The following MYO3A variants were observed in gnomAD, a reference collection of about 807,000 sequenced individuals.
MYO3A encodes the protein myosin IIIA, also known as myosin-IIIa.
MYO3A carries 180 observed loss-of-function variants against 192.7 expected under a neutral mutation model. The ratio of observed to expected loss-of-function variants is 0.93; its 90% CI spans 0.83 to 1.06. MYO3A has a LOEUF of 1.06. MYO3A is among the 50% of genes least tolerant of loss of function. The probability of loss-of-function intolerance (pLI) is 0.00; values close to 1 mark genes in which losing one functional copy is unlikely to be tolerated. For missense variants in MYO3A, 1,896 were observed against 1,905.0 expected (o/e 1.00, Z 0.09); for synonymous variants, 628 against 645.3 (o/e 0.97, Z 0.41).
chr10:26,136,026 C>G (rs1839828918), intron 20 of MYO3A, among the ~76,000 whole-genome samples: 1 of 151,456 alleles, frequency 6.6e-6, no homozygotes, highest in Non-Finnish European at 1.5e-5. Context: ...TTCTACCTTC[C>G]CCGGCCCCAT....
chr10:26,075,780 GAT>G (rs1215608015), intron 14 of MYO3A, among the ~76,000 whole-genome samples: 1 of 134,940 alleles, frequency 7.4e-6, no homozygotes, highest in Non-Finnish European at 1.6e-5. Context: ...ATATATATAT[GAT>G]ATATATGTCT....
At chr10:25,959,100 T>C (rs566121268) in intron 4 of MYO3A, among the ~76,000 whole-genome samples, 1 of 152,150 alleles carries the variant, frequency 6.6e-6, no homozygotes, top group Non-Finnish European at 1.5e-5. Context: ...TATAGAATCA[T>C]GTCGTCTGCA....
At chr10:26,085,999 A>G (rs1364312913) in intron 14 of MYO3A, among the ~76,000 whole-genome samples, 1 of 151,856 alleles carries the variant, frequency 6.6e-6, no homozygotes, top group Non-Finnish European at 1.5e-5. Flanking sequence ...TCCTTTAGTT[A>G]TTTTGGTTTA....
intron 4 of MYO3A, among the ~76,000 whole-genome samples, chr10:25,978,676 A>G (rs1464270371): frequency 6.6e-6 from 1 of 152,202 alleles, no homozygotes; most frequent in Non-Finnish European, 1.5e-5. Flanking sequence ...GAATATAAGA[A>G]TATTACAGAA....
intron 10 of MYO3A, among the ~76,000 whole-genome samples, chr10:26,043,905 C>T (rs1843496234): frequency 2.0e-5 from 3 of 152,204 alleles, no homozygotes; most frequent in Admixed American, 6.5e-5. Context: ...ATAGCCATCA[C>T]AGCTGGTAAT....
At chr10:26,162,034 G>A (rs1841509096) in intron 26 of MYO3A, among the ~76,000 whole-genome samples, 1 of 152,190 alleles carries the variant, frequency 6.6e-6, no homozygotes, top group African/African-American at 2.4e-5. Flanking sequence ...GAAACTCACA[G>A]ACCTGTTATG....
At chr10:26,199,228 A>T (rs937905908) in intron 32 of MYO3A, among the ~76,000 whole-genome samples, 2 of 152,206 alleles carry the variant, frequency 1.3e-5, no homozygotes, top group African/African-American at 4.8e-5. Context: ...TTTTTGGAAA[A>T]ATATATTACT....
chr10:26,202,447 G>A (rs1843719840), intron 33 of MYO3A, among the ~76,000 whole-genome samples: 1 of 152,170 alleles, frequency 6.6e-6, no homozygotes, highest in Non-Finnish European at 1.5e-5. Context: ...TGTCATGTGT[G>A]GGTGTTAAAA....
At chr10:26,113,955 C>G (rs1458093703) in intron 17 of MYO3A, among the ~76,000 whole-genome samples, 1 of 152,166 alleles carries the variant, frequency 6.6e-6, no homozygotes, top group Non-Finnish European at 1.5e-5. Flanking sequence ...AGAATTGAAC[C>G]TAAGAATAGA....
At chr10:26,026,033 C>G (rs1193203339) in intron 9 of MYO3A, among the ~76,000 whole-genome samples, 1 of 152,182 alleles carries the variant, frequency 6.6e-6, no homozygotes, top group Non-Finnish European at 1.5e-5. Context: ...TGTCATTTAT[C>G]TGCAGCTACT....
intron 20 of MYO3A, among the ~76,000 whole-genome samples, chr10:26,129,857 AT>A (rs1839430873): frequency 6.6e-6 from 1 of 152,224 alleles, no homozygotes; most frequent in African/African-American, 2.4e-5. Flanking sequence ...CACAGCATCC[AT>A]TTGAACCAGA....
At chr10:25,971,969 A>G (rs186138302) in intron 4 of MYO3A, among the ~76,000 whole-genome samples, 249 of 152,252 alleles carry the variant, frequency 1.6e-3, no homozygotes, top group African/African-American at 5.8e-3. Flanking sequence ...CAGCCTCCCA[A>G]GTAGCTGGGA....
chr10:26,201,275 A>G lies in MYO3A; in HGVS notation c.4556A>G (p.Gln1519Arg). The G allele has an allele frequency of 3.2e-6, 5 of 1,577,734 alleles. No individual in the cohort carries two copies. Among genetic ancestry groups the G allele is most frequent in the Non-Finnish European group, 4.3e-6 (5 of 1,153,012 alleles). ...TYYYLLHKSI[Q>R]EEKRRPRKDS... is the part of the protein sequence containing the mutation. ...TCTTCTTTCCTTTAGAAGTCAATCC[A>G]AGAAGAAAAACGAAGACCAAGGAAA... Residue 1519 changes from glutamine (Q) to arginine (R), a missense_variant, in exon 33 of 35, where the codon CAA (glutamine) becomes CGA (arginine). Coordinates refer to ENST00000642920, the MANE Select transcript of MYO3A (RefSeq NM_017433.5).
chr10:26,070,393 C>A lies in MYO3A; in HGVS notation c.1351C>A (p.Leu451Ile), dbSNP rs777217236. 2.5e-6 allele frequency: 4 copies of A among 1,612,198 alleles called. No homozygotes were observed. The South Asian group carries it at 4.4e-5, about 18-fold the overall frequency. ...TCTTTTAGTTCAGCAGCTGACAGTGCTTGGAAAGGTATAATTTATTTTTTT... is the reference window on the plus strand; with the variant it reads ...TCTTTTAGTTCAGCAGCTGACAGTGATTGGAAAGGTATAATTTATTTTTTT... ...AHLLVQQLTV[L>I]GKANNRTLQE... The change falls in exon 14 of 35, where the codon CTT (leucine) becomes ATT (isoleucine). Residue 451 changes from leucine to isoleucine, a missense_variant. Transcript: ENST00000642920.
intron 10 of MYO3A, among the ~76,000 whole-genome samples, chr10:26,027,739 T>A (rs146612730): frequency 6.6e-6 from 1 of 152,336 alleles, no homozygotes; most frequent in African/African-American, 2.4e-5. Context: ...ATCCATATAA[T>A]TAAACATTCT....
At chr10:26,186,839 C>CGGGA (rs1842892201) in intron 31 of MYO3A, among the ~76,000 whole-genome samples, 1 of 152,052 alleles carries the variant, frequency 6.6e-6, no homozygotes, top group African/African-American at 2.4e-5. Context: ...TATCATGTGT[C>CGGGA]TTTTGACTTT....
At position 26,096,569 on chromosome 10, in the gene MYO3A, T is replaced by C. The variant is rs760486767; in HGVS notation, c.1663T>C (p.Tyr555His). ...TCCTTCCTTTTATATTTTTTTTAGG[T>C]ACCTACAAAATGACCACCTCAGAAC... is the stretch of plus-strand genomic sequence containing the variant. ...YKLPENKPPR[Y>H]LQNDHLRTVQ... Residue 555 changes from tyrosine to histidine, a missense_variant and splice_region_variant, in exon 17 of 35, where the codon TAC (tyrosine) becomes CAC (histidine). Coordinates refer to ENST00000642920, the MANE Select transcript of MYO3A (RefSeq NM_017433.5). The C allele has an allele frequency of 5.0e-6, 8 of 1,596,004 alleles. No homozygotes were observed. The highest frequency in any genetic ancestry group is 6.0e-6 in the Non-Finnish European group (7 of 1,163,734).
At chr10:26,146,356 A>C (rs1408502517) in intron 22 of MYO3A, among the ~76,000 whole-genome samples, 3 of 152,270 alleles carry the variant, frequency 2.0e-5, no homozygotes, top group African/African-American at 4.8e-5. Flanking sequence ...AAAGTTATCT[A>C]AAGAAACAAT....
intron 4 of MYO3A, among the ~76,000 whole-genome samples, chr10:25,975,601 A>G (rs1397844850): frequency 1.3e-5 from 2 of 152,208 alleles, no homozygotes. Context: ...CAATGTTGAA[A>G]GAAGACAAAG....
Sources: allele counts gnomAD v4.1 joint callset (sites outside exome capture counted in the v4.1 genomes callset), GRCh38; gene constraint gnomAD v4.1.1; transcripts MANE v1.5; gene names NCBI Gene and HGNC (gene_info 2026-07-23, HGNC 2026-07-21).